Variants in CYYR1 observed in about 807,000 individuals in gnomAD.
CYYR1 encodes the protein cysteine and tyrosine-rich protein 1.
A neutral mutation model predicts 15.2 loss-of-function variants in CYYR1; 14 were observed. That is an observed-to-expected ratio of 0.92 (90% confidence interval 0.61 to 1.44). The LOEUF (loss-of-function observed/expected upper bound fraction) is 1.44, where lower values mean the gene tolerates loss of function less well. Ranked by LOEUF, CYYR1 falls within the 40% of genes most tolerant of loss-of-function variation. CYYR1 has a pLI of 0.00. For synonymous variants in CYYR1, 80 were observed against 77.4 expected (o/e 1.03, Z -0.18); for missense variants, 228 against 209.5 (o/e 1.09, Z -0.54).
At chr21:26,471,638 T>A (rs1440695989) in intron 3 of CYYR1, 1 of 152,220 alleles carries the variant, frequency 6.6e-6, no homozygotes, top group Non-Finnish European at 1.5e-5. Context: ...ATAATATTTG[T>A]ATAATTGTGG....
chr21:26,542,515 A>T (rs150354114), intron 2 of CYYR1, among the ~76,000 whole-genome samples: 146 of 152,290 alleles, frequency 9.6e-4, no homozygotes, highest in African/African-American at 3.3e-3. Context: ...CCTCAATCCG[A>T]TAAAAAGAAT....
In CYYR1 at chr21:26,573,215, G is replaced by A. The variant is rs912460270; in HGVS notation, c.-275C>T. ...GTCTCGCCCCACTGCGCTCAGGCGC[G>A]GGGAAGGCGGCCACTCCGGCGTCCT... On this transcript the variant is annotated 5_prime_UTR_variant, in exon 1 of 4. Coordinates refer to ENST00000652641, the MANE Select transcript of CYYR1 (RefSeq NM_001320768.2). The A allele has an allele frequency of 7.0e-6, 10 of 1,427,088 alleles. No individual in the cohort carries two copies. The African/African-American group carries it at 1.3e-4, about 19-fold the overall frequency. The allele number at this position is 1,427,088 out of a possible 1,614,324, so 88.4% of individuals were successfully genotyped here. A position where few individuals can be genotyped will look rare whatever the true frequency, so the allele number is the denominator to read the frequency against.
intron 2 of CYYR1, among the ~76,000 whole-genome samples, chr21:26,499,807 G>A (rs1046366103): frequency 2.0e-5 from 3 of 152,000 alleles, no homozygotes; most frequent in African/African-American, 7.2e-5. Context: ...GAAAGGGAAA[G>A]GGAGGAGCAA....
At chr21:26,523,762 T>C (rs558080584) in intron 2 of CYYR1, among the ~76,000 whole-genome samples, 1 of 152,178 alleles carries the variant, frequency 6.6e-6, no homozygotes, top group Non-Finnish European at 1.5e-5. Context: ...CTCAACCTAA[T>C]GTAGGCTGCC....
At chr21:26,531,290 C>T (rs1221996015) in intron 2 of CYYR1, among the ~76,000 whole-genome samples, 1 of 152,030 alleles carries the variant, frequency 6.6e-6, no homozygotes, top group African/African-American at 2.4e-5. Flanking sequence ...CCTTGACAAC[C>T]GTTCTTCTCA....
Position 26,573,034 on chromosome 21 carries a change from T to C in CYYR1, c.-94A>G. ...GGCGATCAGATGGAGAGAGCAGCGC[T>C]CCTGAGAGCCGGGTGGAGCAGAGAC... is the stretch of plus-strand genomic sequence containing the variant. On this transcript the variant is annotated 5_prime_UTR_variant, in exon 1 of 4. Transcript: ENST00000652641. The C allele has an allele frequency of 1.2e-6, 2 of 1,601,540 alleles. No homozygotes were observed. The highest frequency in any genetic ancestry group is 1.7e-6 in the Non-Finnish European group (2 of 1,174,404).
chr21:26,498,599 G>A (rs990692104), intron 2 of CYYR1, among the ~76,000 whole-genome samples: 4 of 152,148 alleles, frequency 2.6e-5, no homozygotes, highest in African/African-American at 9.7e-5. Flanking sequence ...CATGAAAACT[G>A]GAACATAACA....
At chr21:26,569,263 A>G (rs1300819484) in intron 1 of CYYR1, 1 of 152,204 alleles carries the variant, frequency 6.6e-6, no homozygotes. Flanking sequence ...AGAAAAAAAA[A>G]AGAATAAAAT....
At chr21:26,564,526 G>A (rs222969) in intron 2 of CYYR1, 254,516 of 320,148 alleles carry the variant, frequency 0.79, 101,424 homozygotes, top group East Asian at 0.87. Flanking sequence ...CCAGCGGTGA[G>A]ATTAAAGATA....
intron 2 of CYYR1, among the ~76,000 whole-genome samples, chr21:26,498,412 C>T (rs149763319): frequency 6.6e-6 from 1 of 152,150 alleles, no homozygotes; most frequent in African/African-American, 2.4e-5. Flanking sequence ...AAAGAGTATT[C>T]AAGGAGAGGA....
At chr21:26,471,898 A>G (rs1322229620) in intron 3 of CYYR1, among the ~76,000 whole-genome samples, 1 of 152,182 alleles carries the variant, frequency 6.6e-6, no homozygotes, top group Admixed American at 6.5e-5. Context: ...ACAGCTGTCT[A>G]CAATATTAAA....
At chr21:26,507,658 C>T (rs1251277851) in intron 2 of CYYR1, among the ~76,000 whole-genome samples, 1 of 152,044 alleles carries the variant, frequency 6.6e-6, no homozygotes, top group African/African-American at 2.4e-5. Flanking sequence ...GATAAAATGC[C>T]AAAAAACAGG....
chr21:26,557,054 C>T (rs1326496793), intron 2 of CYYR1, among the ~76,000 whole-genome samples: 1 of 152,144 alleles, frequency 6.6e-6, no homozygotes, highest in Non-Finnish European at 1.5e-5. Context: ...AATGCCAGCC[C>T]TTTACATAGC....
chr21:26,525,171 CTCTT>C (rs2047630152), intron 2 of CYYR1, among the ~76,000 whole-genome samples: 1 of 152,174 alleles, frequency 6.6e-6, no homozygotes. Context: ...TTTCCTCCTC[CTCTT>C]TCTTCTCTTC....
intron 2 of CYYR1, among the ~76,000 whole-genome samples, chr21:26,512,365 AT>A (rs897690333): frequency 2.0e-5 from 3 of 150,866 alleles, no homozygotes; most frequent in African/African-American, 7.3e-5. Flanking sequence ...TGCCTGGCTA[AT>A]TTTTTTTTGT....
chr21:26,506,023 A>G (rs1419813057), intron 2 of CYYR1, among the ~76,000 whole-genome samples: 1 of 152,170 alleles, frequency 6.6e-6, no homozygotes, highest in Non-Finnish European at 1.5e-5. Context: ...GCTTTTATGT[A>G]TATGCCCATG....
chr21:26,480,295 A>G lies in CYYR1; in HGVS notation c.311T>C (p.Ile104Thr). 1.2e-6 allele frequency: 2 copies of G among 1,612,842 alleles called. No homozygotes were observed. Among genetic ancestry groups the G allele is most frequent in the East Asian group, 4.5e-5 (2 of 44,812 alleles). ...ACCAGGATAGGAGGAGACGGTGTTG[A>G]TGTGAGTCGTCCTGAGGATGCCCAC... is the stretch of plus-strand genomic sequence containing the variant. ...TRVGILRTTH[I>T]NTVSSYPAGP... is the part of the protein sequence containing the mutation. Residue 104 changes from isoleucine to threonine, a missense_variant, in exon 3 of 4, where the codon ATC (isoleucine) becomes ACC (threonine). Transcript: ENST00000652641.
chr21:26,490,909 G>A (rs2065318609), intron 2 of CYYR1, among the ~76,000 whole-genome samples: 1 of 152,134 alleles, frequency 6.6e-6, no homozygotes, highest in Non-Finnish European at 1.5e-5. Context: ...TTCTACTTGG[G>A]AAGTAGAGAA....
intron 2 of CYYR1, among the ~76,000 whole-genome samples, chr21:26,546,940 T>C (rs1461142705): frequency 6.6e-6 from 1 of 152,112 alleles, no homozygotes; most frequent in African/African-American, 2.4e-5. Flanking sequence ...CCAGTGGAAA[T>C]GCCAGCTTCC....
Sources: gnomAD v4.1 joint callset for allele counts (sites outside exome capture counted in the v4.1 genomes callset) on GRCh38, gnomAD v4.1.1 for gene constraint, MANE v1.5 for transcripts, NCBI Gene and HGNC (gene_info 2026-07-23, HGNC 2026-07-21) for gene names.